Variants in SYNRG observed in about 807,000 individuals in gnomAD.
SYNRG encodes the protein synergin gamma, also known as AP1 gamma subunit binding protein 1.
A neutral mutation model predicts 130.9 loss-of-function variants in SYNRG; 37 were observed. That is an observed-to-expected ratio of 0.28 (90% confidence interval 0.22 to 0.37). SYNRG has a LOEUF of 0.37. Ranked by LOEUF, SYNRG falls within the 10% of genes least tolerant of loss-of-function variation. The pLI is 1.00. For synonymous variants in SYNRG, 539 were observed against 568.1 expected (o/e 0.95, Z 0.73); for missense variants, 1,338 against 1,588.9 (o/e 0.84, Z 2.68).
Position 37,609,317 on chromosome 17 carries a change from C to T in SYNRG, c.39G>A (p.Gly13=), listed in dbSNP as rs756956827. 4 of 1,467,980 alleles carry T rather than the reference C, an allele frequency of 2.7e-6. No homozygotes were observed. The highest frequency in any genetic ancestry group is 1.8e-4 in the Middle Eastern group (1 of 5,556). The allele number at this position is 1,467,980 out of a possible 1,614,324, so 90.9% of individuals were successfully genotyped here. A position where few individuals can be genotyped will look rare whatever the true frequency, so the allele number is the denominator to read the frequency against. ...CGGACCCCGCGCCAGCTCCCGCGGC[C>T]CCGCCGCCACCAGAACCAGCTCCTG... ...LRPGAGSGGG[G]AAGAGAGSAG... The change falls in exon 1 of 22, where the codon GGG becomes GGA. Residue 13 remains glycine (G), a synonymous_variant. Coordinates refer to ENST00000612223, the MANE Select transcript of SYNRG (RefSeq NM_007247.6).
intron 6 of SYNRG, among the ~76,000 whole-genome samples, chr17:37,583,913 T>C (rs988624324): frequency 5.3e-5 from 8 of 152,190 alleles, no homozygotes; most frequent in Non-Finnish European, 1.2e-4. Flanking sequence ...CAGGCTGGTC[T>C]TGAACTCCTG....
In SYNRG at chr17:37,542,211, A is replaced by G. The variant is rs372647275; in HGVS notation, c.2963T>C (p.Phe988Ser). Residue 988 changes from phenylalanine to serine, a missense_variant, in exon 15 of 22, where the codon TTC becomes TCC. Physicochemically the swap from Phe to Ser is radical, Grantham distance 155 (BLOSUM62 -2). Coordinates refer to ENST00000612223, the MANE Select transcript of SYNRG (RefSeq NM_007247.6). Reference protein sequence around the residue: ...KEYENRDYKDFTKQDLPTAER... With the variant: ...KEYENRDYKDSTKQDLPTAER... The stretch of plus-strand genomic sequence containing the variant: ...AGCCGTAGGCAGGTCCTGTTTTGTG[A>G]AATCTTTATAGTCTCTGTTTTCATA... The G allele has an allele frequency of 2.8e-5, 46 of 1,614,068 alleles. No homozygotes were observed. In the African/African-American group the frequency reaches 4.8e-4, roughly 17 times the overall value.
intron 6 of SYNRG, chr17:37,579,508 C>T: frequency 9.0e-7 from 1 of 1,113,686 alleles, no homozygotes; most frequent in Non-Finnish European, 1.2e-6. Context: ...AGATGTAGTA[C>T]AATTCCAAAA....
intron 9 of SYNRG, among the ~76,000 whole-genome samples, chr17:37,571,333 G>C (rs1289167941): frequency 6.6e-6 from 1 of 152,180 alleles, no homozygotes; most frequent in Non-Finnish European, 1.5e-5. Context: ...TGTAATCCCA[G>C]CACTTTGGGA....
At chr17:37,520,239 TCAA>T in intron 20 of SYNRG, 25 bp from the exon 21 acceptor site, 1 of 1,614,114 alleles carries the variant, frequency 6.2e-7, no homozygotes, top group Non-Finnish European at 8.5e-7. Flanking sequence ...AAACCACAGG[TCAA>T]CAACATTCCC....
At chr17:37,580,078 T>A (rs563075980) in intron 6 of SYNRG, among the ~76,000 whole-genome samples, 1 of 152,084 alleles carries the variant, frequency 6.6e-6, no homozygotes, top group Non-Finnish European at 1.5e-5. Context: ...CTCAAACCAA[T>A]ATACATCAGA....
At chr17:37,573,622 A>G (rs1183082485) in intron 8 of SYNRG, among the ~76,000 whole-genome samples, 4 of 152,232 alleles carry the variant, frequency 2.6e-5, no homozygotes, top group African/African-American at 9.6e-5. Flanking sequence ...AAGAAAAGCC[A>G]TTATTTTAAA....
chr17:37,545,166 C>A (rs2058161698), intron 14 of SYNRG, among the ~76,000 whole-genome samples: 1 of 151,728 alleles, frequency 6.6e-6, no homozygotes, highest in South Asian at 2.1e-4. Context: ...TTGCAGTGAG[C>A]TGAGATTGCA....
chr17:37,565,885 C>T (rs1487869690), intron 11 of SYNRG, among the ~76,000 whole-genome samples: 2 of 151,208 alleles, frequency 1.3e-5, no homozygotes, highest in East Asian at 4.0e-4. Flanking sequence ...CATCTCTGCC[C>T]GGCAGCCACC....
intron 14 of SYNRG, among the ~76,000 whole-genome samples, chr17:37,547,932 T>C (rs543818410): frequency 6.6e-6 from 1 of 152,358 alleles, no homozygotes; most frequent in Admixed American, 6.5e-5. Context: ...TTTAAACCTA[T>C]AGCATAGAAT....
chr17:37,570,422 T>C (rs2060335370), intron 10 of SYNRG, among the ~76,000 whole-genome samples: 1 of 152,188 alleles, frequency 6.6e-6, no homozygotes, highest in South Asian at 2.1e-4. Context: ...TTCAATGACA[T>C]TAAATATTAT....
chr17:37,576,264 T>C, intron 8 of SYNRG, 77 bp downstream of exon 8: 1 of 1,445,100 alleles, frequency 6.9e-7, no homozygotes, highest in Non-Finnish European at 9.6e-7. Context: ...AGTGCAACAG[T>C]AAATATTTAC....
At chr17:37,609,046 C>T (rs1001903914) in intron 1 of SYNRG, among the ~76,000 whole-genome samples, 32 of 149,718 alleles carry the variant, frequency 2.1e-4, no homozygotes, top group Non-Finnish European at 3.9e-4. Flanking sequence ...GGCGCGCGCT[C>T]GCTCCCCGCT....
chr17:37,542,833 A>T (rs1474064845), intron 14 of SYNRG, among the ~76,000 whole-genome samples: 1 of 152,244 alleles, frequency 6.6e-6, no homozygotes, highest in Non-Finnish European at 1.5e-5. Flanking sequence ...TAGGAGGTTC[A>T]TCTACCAAAG....
chr17:37,556,995 A>C (rs2059166849), intron 13 of SYNRG: 1 of 152,218 alleles, frequency 6.6e-6, no homozygotes, highest in African/African-American at 2.4e-5. Flanking sequence ...GCTGGGTGAA[A>C]GGGCTAAAAG....
intron 1 of SYNRG, among the ~76,000 whole-genome samples, chr17:37,607,303 T>A (rs2063832972): frequency 6.6e-6 from 1 of 152,190 alleles, no homozygotes; most frequent in Non-Finnish European, 1.5e-5. Flanking sequence ...CTAAAGGGAA[T>A]AATGCACTTG....
chr17:37,557,929 A>G (rs1229553030), intron 13 of SYNRG, among the ~76,000 whole-genome samples: 1 of 152,164 alleles, frequency 6.6e-6, no homozygotes, highest in African/African-American at 2.4e-5. Flanking sequence ...CCTATTGTCT[A>G]TTACGGGAAT....
intron 1 of SYNRG, among the ~76,000 whole-genome samples, chr17:37,607,256 T>G (rs78433780): frequency 0.011 from 1,659 of 152,258 alleles, 26 homozygotes; most frequent in African/African-American, 0.038. Context: ...TTTTAAAAAT[T>G]TGTGTCCATG....
intron 8 of SYNRG, among the ~76,000 whole-genome samples, chr17:37,575,011 AC>A (rs2060705002): frequency 6.6e-6 from 1 of 152,180 alleles, no homozygotes; most frequent in Non-Finnish European, 1.5e-5. Flanking sequence ...CATGGTTGGA[AC>A]TGGAGGACAC....
Sources: allele counts gnomAD v4.1 joint callset (sites outside exome capture counted in the v4.1 genomes callset), GRCh38; gene constraint gnomAD v4.1.1; transcripts MANE v1.5; gene names NCBI Gene and HGNC (gene_info 2026-07-23, HGNC 2026-07-21).